CNOT4: variants seen among roughly 807,000 people sequenced by gnomAD.
The protein encoded by CNOT4 is CCR4-associated factor 4.
CNOT4 carries 8 observed loss-of-function variants against 73.8 expected under a neutral mutation model. The ratio of observed to expected loss-of-function variants is 0.11; its 90% CI spans 0.06 to 0.20. The LOEUF (loss-of-function observed/expected upper bound fraction) is 0.20, where lower values mean the gene tolerates loss of function less well. Among genes scored for constraint, CNOT4 ranks in the 10% least tolerant of loss-of-function variants. The pLI is 1.00. For missense variants in CNOT4, 564 were observed against 883.4 expected (o/e 0.64, Z 4.58); for synonymous variants, 293 against 321.1 (o/e 0.91, Z 0.94).
At chr7:135,485,340 G>C (rs1279378654) in intron 1 of CNOT4, among the ~76,000 whole-genome samples, 1 of 152,140 alleles carries the variant, frequency 6.6e-6, no homozygotes, top group Admixed American at 6.5e-5. Context: ...AAAGTGCTGG[G>C]ATTACAGGCT....
At chr7:135,415,509 C>G (rs1307212583) in intron 3 of CNOT4, among the ~76,000 whole-genome samples, 1 of 152,018 alleles carries the variant, frequency 6.6e-6, no homozygotes, top group Non-Finnish European at 1.5e-5. Context: ...TTGGTATTAT[C>G]TACTATGTTC....
intron 7 of CNOT4, among the ~76,000 whole-genome samples, chr7:135,405,678 C>T (rs1797239306): frequency 6.6e-6 from 1 of 152,028 alleles, no homozygotes; most frequent in Non-Finnish European, 1.5e-5. Flanking sequence ...TGACAAATTC[C>T]TTTTTTAGAA....
intron 6 of CNOT4, 58 bp from the exon 7 acceptor site, chr7:135,410,706 A>G: frequency 3.0e-6 from 4 of 1,317,830 alleles, no homozygotes; most frequent in Non-Finnish European, 4.1e-6. Flanking sequence ...GGTATAAAAT[A>G]CTGAATAATC....
chr7:135,394,225 A>C lies in CNOT4; in HGVS notation c.1320T>G (p.Ser440=), dbSNP rs1175939610. ...SLSPTSLQNS[S]SHTTTAKGPG... is the part of the protein sequence containing the mutation. ...GACCTTTGGCGGTTGTAGTGTGTGA[A>C]GAGGAGTTCTGAAGAGATGTGGGCG... is the stretch of plus-strand genomic sequence containing the variant. Residue 440 remains serine, a synonymous_variant, in exon 10 of 12, where the codon TCT becomes TCG. Transcript: ENST00000541284. 2 of 1,614,184 alleles carry C rather than the reference A, an allele frequency of 1.2e-6. No individual in the cohort carries two copies. The highest frequency in any genetic ancestry group is 2.2e-5 in the South Asian group (2 of 91,078).
At position 135,463,381 on chromosome 7, in the gene CNOT4, T is replaced by C. The variant is rs530391916; in HGVS notation, c.-92-24958A>G. 3.2e-4 allele frequency among the ~76,000 whole-genome samples: 49 copies of C among 151,916 alleles called. 1 individual carries two copies. Among genetic ancestry groups the C allele is most frequent in the African/African-American group, 1.2e-3 (49 of 41,448 alleles). Reference sequence around the variant, plus strand: ...GCTGAAACCCTGTCTCTATTAAAAATACAAAAACTAGCTGGGTGTTGTGGC... The same window carrying C: ...GCTGAAACCCTGTCTCTATTAAAAACACAAAAACTAGCTGGGTGTTGTGGC... On this transcript the variant is annotated intron_variant, in intron 1 of 11. Transcript: ENST00000541284.
At chr7:135,489,591 T>C (rs1289071623) in intron 1 of CNOT4, among the ~76,000 whole-genome samples, 2 of 151,940 alleles carry the variant, frequency 1.3e-5, no homozygotes, top group Non-Finnish European at 2.9e-5. Flanking sequence ...AGATAGGGTT[T>C]CTCCATGTTG....
At chr7:135,444,411 C>T in intron 1 of CNOT4, 1 of 732,018 alleles carries the variant, frequency 1.4e-6, no homozygotes, top group Non-Finnish European at 2.5e-6. Context: ...TATATCCATA[C>T]CATGGAATAT....
chr7:135,403,001 A>G (rs1797082764), intron 7 of CNOT4, among the ~76,000 whole-genome samples: 1 of 152,230 alleles, frequency 6.6e-6, no homozygotes, highest in African/African-American at 2.4e-5. Flanking sequence ...GGACTAAAAA[A>G]AAGTTAGAAG....
At chr7:135,419,416 TA>T in intron 3 of CNOT4, among the ~76,000 whole-genome samples, 1 of 152,234 alleles carries the variant, frequency 6.6e-6, no homozygotes, top group Non-Finnish European at 1.5e-5. Context: ...TTCCAAATAC[TA>T]AAAAGGTTAT....
intron 10 of CNOT4, among the ~76,000 whole-genome samples, chr7:135,380,708 T>A (rs113780609): frequency 0.035 from 5,295 of 152,302 alleles, 309 homozygotes; most frequent in African/African-American, 0.12. Context: ...CCACTGAGTT[T>A]CAAGCATGAA....
rs371021495 is a variant in CNOT4 at position 135,395,845 on chromosome 7, C to T, written c.918G>A (p.Leu306=). The change falls in exon 9 of 12, where the codon TTG becomes TTA. Residue 306 remains leucine, a synonymous_variant. Transcript: ENST00000541284. The stretch of plus-strand genomic sequence containing the variant: ...TGGGGATGACTGGATTGGATTTTGA[C>T]AAACCAGGTGGTGGTGAAGGCGTAT... ...NSDTPSPPPG[L]SKSNPVIPIS... is the part of the protein sequence containing the mutation. 4.3e-6 allele frequency: 7 copies of T among 1,611,506 alleles called. No homozygotes were observed. In the African/African-American group the frequency reaches 5.3e-5, roughly 12 times the overall value.
chr7:135,449,239 G>A (rs558571208), intron 1 of CNOT4, among the ~76,000 whole-genome samples: 3 of 152,284 alleles, frequency 2.0e-5, no homozygotes, highest in Non-Finnish European at 2.9e-5. Context: ...AAAGGGAGAC[G>A]ACTTCAAATG....
At chr7:135,408,634 A>T (rs1797430458) in intron 7 of CNOT4, among the ~76,000 whole-genome samples, 1 of 152,154 alleles carries the variant, frequency 6.6e-6, no homozygotes. Context: ...GGGTCCCCTC[A>T]CACACATAAA....
intron 10 of CNOT4, among the ~76,000 whole-genome samples, chr7:135,366,487 A>G (rs1011481677): frequency 6.6e-6 from 1 of 152,222 alleles, no homozygotes; most frequent in African/African-American, 2.4e-5. Context: ...TTAGCCAAAG[A>G]AATTCACATA....
intron 3 of CNOT4, among the ~76,000 whole-genome samples, chr7:135,417,490 A>C (rs1273928570): frequency 1.3e-5 from 2 of 152,194 alleles, no homozygotes; most frequent in African/African-American, 4.8e-5. Context: ...TTCGTTTTTA[A>C]AAAGTGGACA....
rs1249411053 is a variant in CNOT4 at position 135,394,203 on chromosome 7, C to A, written c.1342G>T (p.Gly448Cys). The A allele has an allele frequency of 7.4e-6, 12 of 1,614,036 alleles. No homozygotes were observed. Among genetic ancestry groups the A allele is most frequent in the Non-Finnish European group, 1.0e-5 (12 of 1,180,022 alleles). Residue 448 changes from glycine (G) to cysteine (C), a missense_variant, in exon 10 of 12, where the codon GGT becomes TGT. This residue lies in a region of CNOT4 where 153 missense variants were observed against 158.7 expected (regional missense o/e 0.96). Transcript: ENST00000541284. ...GGATGCAGGAATCCAGAGCCTGGAC[C>A]TTTGGCGGTTGTAGTGTGTGAAGAG... The part of the protein sequence containing the change: ...NSSSHTTTAK[G>C]PGSGFLHPAA...
chr7:135,509,087 C>T (rs958722070), intron 1 of CNOT4: 2 of 152,228 alleles, frequency 1.3e-5, no homozygotes, highest in Non-Finnish European at 1.5e-5. Context: ...TCATTCACTT[C>T]CCAACTTCCT....
chr7:135,467,338 C>G (rs1404379452), intron 1 of CNOT4, among the ~76,000 whole-genome samples: 1 of 152,202 alleles, frequency 6.6e-6, no homozygotes, highest in Non-Finnish European at 1.5e-5. Flanking sequence ...GCAAATCTGT[C>G]TATTCCATGC....
At chr7:135,435,799 G>C (rs1799120437) in intron 2 of CNOT4, among the ~76,000 whole-genome samples, 1 of 152,110 alleles carries the variant, frequency 6.6e-6, no homozygotes, top group Non-Finnish European at 1.5e-5. Flanking sequence ...CATATTGCTG[G>C]ACAGGTAATC....
Sources: gnomAD v4.1 joint callset for allele counts (sites outside exome capture counted in the v4.1 genomes callset) on GRCh38, gnomAD v4.1.1 for gene constraint, gnomAD v4.1.1 regional missense constraint, MANE v1.5 for transcripts, NCBI Gene and HGNC (gene_info 2026-07-23, HGNC 2026-07-21) for gene names.